Variants in NPFFR2 observed in about 807,000 individuals in gnomAD.
The protein encoded by NPFFR2 is G-protein coupled receptor 74.
NPFFR2 carries 15 observed loss-of-function variants against 13.1 expected under a neutral mutation model. That is an observed-to-expected ratio of 1.15 (90% CI 0.77 to 1.76). The LOEUF is 1.76. Among genes scored for constraint, NPFFR2 ranks in the 40% most tolerant of loss-of-function variants. The pLI, the probability that NPFFR2 is intolerant of heterozygous loss-of-function variation, is 0.00. For synonymous variants in NPFFR2, 190 were observed against 175.7 expected (o/e 1.08, Z -0.65); for missense variants, 572 against 503.5 (o/e 1.14, Z -1.30).
intron 1 of NPFFR2, among the ~76,000 whole-genome samples, chr4:72,083,930 G>C (rs1238017895): frequency 2.1e-4 from 31 of 150,218 alleles, no homozygotes; most frequent in Admixed American, 2.1e-3. Context: ...GTGTTTGCTT[G>C]CTCTCTTCCT....
At chr4:72,053,218 A>G (rs567024439) in intron 1 of NPFFR2, among the ~76,000 whole-genome samples, 1 of 151,968 alleles carries the variant, frequency 6.6e-6, no homozygotes, top group South Asian at 2.1e-4. Flanking sequence ...ATCTGTAAAT[A>G]GAAAACAATA....
chr4:72,066,670 G>A (rs1488152291), intron 1 of NPFFR2, among the ~76,000 whole-genome samples: 3 of 152,112 alleles, frequency 2.0e-5, no homozygotes, highest in African/African-American at 4.8e-5. Flanking sequence ...AGAAGAATGA[G>A]GTAACTGGTG....
Position 72,146,995 on chromosome 4 carries a change from A to G in NPFFR2, c.446A>G (p.Tyr149Cys). Reference protein sequence around the residue: ...IAVDRFQCVVYPFKPKLTIKT... With the variant: ...IAVDRFQCVVCPFKPKLTIKT... Reference sequence around the variant, plus strand: ...AATTGCAGGTTCCAGTGTGTGGTCTACCCTTTTAAACCAAAGCTCACTATC... The same window carrying G: ...AATTGCAGGTTCCAGTGTGTGGTCTGCCCTTTTAAACCAAAGCTCACTATC... The change falls in exon 4 of 4, where the codon TAC becomes TGC. Residue 149 changes from tyrosine (Y) to cysteine (C), a missense_variant. Coordinates refer to ENST00000308744, the MANE Select transcript of NPFFR2 (RefSeq NM_004885.3). 2 of 1,612,570 alleles carry G rather than the reference A, an allele frequency of 1.2e-6. No individual in the cohort carries two copies. Among genetic ancestry groups the G allele is most frequent in the Non-Finnish European group, 1.7e-6 (2 of 1,178,986 alleles).
At chr4:72,035,028 T>A (rs918701640) in intron 1 of NPFFR2, among the ~76,000 whole-genome samples, 1 of 152,192 alleles carries the variant, frequency 6.6e-6, no homozygotes, top group African/African-American at 2.4e-5. Flanking sequence ...TCCTCAAACG[T>A]AAAAGGATGA....
chr4:72,054,093 A>G (rs947849686), intron 1 of NPFFR2, among the ~76,000 whole-genome samples: 3 of 151,994 alleles, frequency 2.0e-5, no homozygotes, highest in Non-Finnish European at 4.4e-5. Context: ...TTCAATCTAT[A>G]GATTCAATCC....
At chr4:72,055,209 T>C (rs909546173) in intron 1 of NPFFR2, among the ~76,000 whole-genome samples, 26 of 151,994 alleles carry the variant, frequency 1.7e-4, no homozygotes, top group African/African-American at 6.3e-4. Flanking sequence ...GTGGTAACCT[T>C]GTATTGAACA....
At chr4:72,094,293 T>A (rs1331216450) in intron 1 of NPFFR2, among the ~76,000 whole-genome samples, 1 of 152,160 alleles carries the variant, frequency 6.6e-6, no homozygotes, top group Non-Finnish European at 1.5e-5. Context: ...TAAGTACTGC[T>A]GATTTTGTGT....
intron 1 of NPFFR2, among the ~76,000 whole-genome samples, chr4:72,051,264 T>C (rs993607210): frequency 2.0e-5 from 3 of 151,978 alleles, no homozygotes; most frequent in Non-Finnish European, 4.4e-5. Context: ...CCTCAGCAAA[T>C]GTAAAAGAAC....
chr4:72,096,392 A>G (rs1721072351), intron 1 of NPFFR2, among the ~76,000 whole-genome samples: 1 of 152,206 alleles, frequency 6.6e-6, no homozygotes, highest in African/African-American at 2.4e-5. Flanking sequence ...TTCATGATCA[A>G]ACATCATATT....
At chr4:72,065,797 A>C (rs1720049976) in intron 1 of NPFFR2, among the ~76,000 whole-genome samples, 1 of 152,080 alleles carries the variant, frequency 6.6e-6, no homozygotes, top group Admixed American at 6.6e-5. Context: ...ATCCCAGGCA[A>C]ATCTGGTCCT....
intron 1 of NPFFR2, among the ~76,000 whole-genome samples, chr4:72,032,691 G>T (rs60181515): frequency 0.075 from 11,394 of 152,198 alleles, 1,415 homozygotes; most frequent in African/African-American, 0.26. Context: ...AGTCCTTATT[G>T]AAGGCGTTTG....
chr4:72,084,334 T>A (rs1199682725), intron 1 of NPFFR2, among the ~76,000 whole-genome samples: 1 of 152,094 alleles, frequency 6.6e-6, no homozygotes, highest in African/African-American at 2.4e-5. Flanking sequence ...GCTGGGAAAC[T>A]GCAAAACATT....
intron 1 of NPFFR2, among the ~76,000 whole-genome samples, chr4:72,103,678 C>T (rs1370120472): frequency 6.6e-6 from 1 of 151,910 alleles, no homozygotes; most frequent in Non-Finnish European, 1.5e-5. Flanking sequence ...ATAAACTTTC[C>T]TTTATGGAAA....
At chr4:72,117,333 G>A (rs922240450) in intron 1 of NPFFR2, among the ~76,000 whole-genome samples, 1 of 151,888 alleles carries the variant, frequency 6.6e-6, no homozygotes, top group African/African-American at 2.4e-5. Context: ...TTTAATTTCT[G>A]CTTTTGATGC....
chr4:72,100,271 G>T (rs1027519905), intron 1 of NPFFR2, among the ~76,000 whole-genome samples: 2 of 151,902 alleles, frequency 1.3e-5, no homozygotes, highest in Non-Finnish European at 2.9e-5. Flanking sequence ...CTCAAGAATT[G>T]TAAAAAAAAC....
At chr4:72,116,207 G>T (rs1232629427) in intron 1 of NPFFR2, among the ~76,000 whole-genome samples, 1 of 151,952 alleles carries the variant, frequency 6.6e-6, no homozygotes, top group East Asian at 1.9e-4. Flanking sequence ...GAATATGCTT[G>T]TGTATATATT....
chr4:72,108,499 A>G (rs187723236), intron 1 of NPFFR2, among the ~76,000 whole-genome samples: 1 of 152,096 alleles, frequency 6.6e-6, no homozygotes, highest in Non-Finnish European at 1.5e-5. Context: ...CTTGCCACAC[A>G]TTTCTCTAGT....
At chr4:72,066,387 T>G (rs548525244) in intron 1 of NPFFR2, among the ~76,000 whole-genome samples, 4 of 152,252 alleles carry the variant, frequency 2.6e-5, no homozygotes, top group African/African-American at 7.2e-5. Flanking sequence ...ACATCCAAAT[T>G]TATGTCCCTC....
At chr4:72,074,951 C>G (rs1288633253) in intron 1 of NPFFR2, among the ~76,000 whole-genome samples, 2 of 117,784 alleles carry the variant, frequency 1.7e-5, no homozygotes, top group Non-Finnish European at 3.6e-5. Context: ...ATAAAAGATT[C>G]AATATGGCAA....
Sources: allele counts gnomAD v4.1 joint callset (sites outside exome capture counted in the v4.1 genomes callset), GRCh38; gene constraint gnomAD v4.1.1; transcripts MANE v1.5; gene names NCBI Gene and HGNC (gene_info 2026-07-23, HGNC 2026-07-21).